The following RBM19 variants were observed in gnomAD, a reference collection of about 807,000 sequenced individuals.
RBM19 encodes RNA binding motif protein 19.
A neutral mutation model predicts 116.8 loss-of-function variants in RBM19; 94 were observed. That is an observed-to-expected ratio of 0.80 (90% CI 0.68 to 0.95). RBM19 has a LOEUF of 0.95. RBM19 is among the 40% of genes least tolerant of loss of function. RBM19 has a pLI of 0.00. For synonymous variants in RBM19, 475 were observed against 494.1 expected (o/e 0.96, Z 0.51); for missense variants, 1,161 against 1,220.7 (o/e 0.95, Z 0.73).
intron 17 of RBM19, among the ~76,000 whole-genome samples, chr12:113,925,232 C>T (rs182183299): frequency 3.9e-5 from 6 of 152,306 alleles, no homozygotes; most frequent in African/African-American, 1.2e-4. Flanking sequence ...TTCCCGGCTA[C>T]GTCTTCAGCA....
chr12:113,832,163 C>A (rs750973835), intron 23 of RBM19, among the ~76,000 whole-genome samples: 2 of 151,944 alleles, frequency 1.3e-5, no homozygotes, highest in Non-Finnish European at 2.9e-5. Context: ...AAACACACTA[C>A]CCTGAACACA....
intron 21 of RBM19, among the ~76,000 whole-genome samples, chr12:113,889,309 A>T (rs796638914): frequency 7.2e-5 from 11 of 152,308 alleles, no homozygotes; most frequent in African/African-American, 2.6e-4. Flanking sequence ...TGCTATGGGG[A>T]AAGGCACATC....
chr12:113,926,716 G>A (rs976380051), intron 17 of RBM19, among the ~76,000 whole-genome samples: 3 of 152,218 alleles, frequency 2.0e-5, no homozygotes, highest in East Asian at 1.9e-4. Context: ...CCCAGCGGGC[G>A]AGAGGATTGT....
chr12:113,827,475 G>A (rs771681414), intron 23 of RBM19, among the ~76,000 whole-genome samples: 5 of 149,062 alleles, frequency 3.4e-5, no homozygotes, highest in Admixed American at 6.7e-5. Flanking sequence ...TGCATGGGAG[G>A]CGCAGGCAGG....
intron 13 of RBM19, 117 bp from the exon 14 acceptor site, chr12:113,942,551 G>GCTCAC: frequency 1.3e-6 from 1 of 759,394 alleles, no homozygotes; most frequent in Non-Finnish European, 2.1e-6. Context: ...CACGGATGCC[G>GCTCAC]CTCACCTTCC....
At chr12:113,856,029 C>T (rs1019335885) in intron 22 of RBM19, among the ~76,000 whole-genome samples, 20 of 152,302 alleles carry the variant, frequency 1.3e-4, no homozygotes, top group African/African-American at 2.4e-4. Flanking sequence ...TCCTGGAAGA[C>T]GAGTGCGTTC....
At chr12:113,872,729 C>T (rs1593514954) in intron 21 of RBM19, among the ~76,000 whole-genome samples, 1 of 35,574 alleles carries the variant, frequency 2.8e-5, no homozygotes, top group Admixed American at 2.0e-4. Context: ...CGGCCAGCCG[C>T]CCCGTCCGGG....
intron 21 of RBM19, among the ~76,000 whole-genome samples, chr12:113,868,775 T>C (rs1879018252): frequency 6.6e-6 from 1 of 152,206 alleles, no homozygotes; most frequent in Non-Finnish European, 1.5e-5. Context: ...TTAACTAACA[T>C]TCAGGTAACA....
At chr12:113,859,642 T>G (rs1878204735) in intron 21 of RBM19, among the ~76,000 whole-genome samples, 1 of 152,196 alleles carries the variant, frequency 6.6e-6, no homozygotes, top group Non-Finnish European at 1.5e-5. Context: ...GTTAAACCTT[T>G]GAGAAATTGT....
At chr12:113,949,947 A>T in intron 9 of RBM19, 136 bp downstream of exon 9, 1 of 765,266 alleles carries the variant, frequency 1.3e-6, no homozygotes, top group Non-Finnish European at 2.1e-6. Context: ...CCATGTCCCC[A>T]GTGCCTAGAA....
rs765343399 is a variant in RBM19, at chr12:113,920,634, G to C, written c.2362C>G (p.Gln788Glu). The change falls in exon 19 of 24, where the codon CAG becomes GAG. Residue 788 changes from glutamine (Q) to glutamate (E), a missense_variant. Coordinates refer to ENST00000261741, the MANE Select transcript of RBM19 (RefSeq NM_016196.4). ...ACCTGGAGCTGCTTGAGAGCTTTCT[G>C]GGCTTGCTCCGGCTTCCTGTATTCC... The part of the protein sequence containing the change: ...FVEYRKPEQA[Q>E]KALKQLQGHV... The C allele has an allele frequency of 1.2e-6, 2 of 1,614,082 alleles. No individual in the cohort carries two copies.
rs996589602 is a variant in RBM19 at position 113,903,226 on chromosome 12, A to C, written c.2558+11743T>G. On this transcript the variant is annotated intron_variant, in intron 21 of 23. Transcript: ENST00000261741. The surrounding 1 kb of genome is among the most constrained non-coding windows in gnomAD (Gnocchi z 5.1). The stretch of plus-strand genomic sequence containing the variant: ...ATTATTTTCGATCTGTGGTTGGTGG[A>C]ATCTGTGGGTGCAGAATCTGTGGAT... Among the ~76,000 whole-genome samples, 3 of 152,220 alleles carry C rather than the reference A, an allele frequency of 2.0e-5. No homozygotes were observed. Among genetic ancestry groups the C allele is most frequent in the Non-Finnish European group, 4.4e-5 (3 of 68,038 alleles).
intron 16 of RBM19, 106 bp downstream of exon 16, chr12:113,936,901 A>C: frequency 1.4e-6 from 2 of 1,432,786 alleles, no homozygotes; most frequent in Non-Finnish European, 1.9e-6. Flanking sequence ...GCATGAACAA[A>C]GAGCTTTAAA....
chr12:113,950,362 C>A (rs1379534962), intron 8 of RBM19, among the ~76,000 whole-genome samples: 1 of 152,172 alleles, frequency 6.6e-6, no homozygotes, highest in Non-Finnish European at 1.5e-5. Flanking sequence ...AGACCCCAGC[C>A]CGGTGTCATG....
chr12:113,890,626 G>C (rs1400811874), intron 21 of RBM19, among the ~76,000 whole-genome samples: 2 of 152,236 alleles, frequency 1.3e-5, no homozygotes, highest in Non-Finnish European at 2.9e-5. Flanking sequence ...CCACGGTGGA[G>C]AGACTGGTTG....
At chr12:113,830,229 T>C (rs1181786512) in intron 23 of RBM19, among the ~76,000 whole-genome samples, 1 of 152,122 alleles carries the variant, frequency 6.6e-6, no homozygotes, top group Non-Finnish European at 1.5e-5. Context: ...AGCAATTTCC[T>C]TTTCAAAGGC....
At chr12:113,830,086 G>A (rs549130905) in intron 23 of RBM19, among the ~76,000 whole-genome samples, 2 of 152,318 alleles carry the variant, frequency 1.3e-5, no homozygotes, top group South Asian at 2.1e-4. Flanking sequence ...AGGACCTTGA[G>A]CTCAGATAGG....
At chr12:113,904,463 A>C (rs1485513187) in intron 21 of RBM19, among the ~76,000 whole-genome samples, 1 of 152,208 alleles carries the variant, frequency 6.6e-6, no homozygotes, top group African/African-American at 2.4e-5. Flanking sequence ...TCAGTTCCCC[A>C]GGCTTCTTGG....
chr12:113,943,937 C>T (rs114929305), intron 13 of RBM19, among the ~76,000 whole-genome samples: 1,759 of 152,142 alleles, frequency 0.012, 37 homozygotes, highest in African/African-American at 0.04. Context: ...CCATTTCCAA[C>T]TACACATGTG....
Sources: allele counts gnomAD v4.1 joint callset (sites outside exome capture counted in the v4.1 genomes callset), GRCh38; gene constraint gnomAD v4.1.1; non-coding constraint Gnocchi (gnomAD v3.1); transcripts MANE v1.5; gene names NCBI Gene and HGNC (gene_info 2026-07-23, HGNC 2026-07-21).